The following DACH2 variants were observed in gnomAD, a reference collection of about 807,000 sequenced individuals.
The protein encoded by DACH2 is dachshund homolog 2.
DACH2 carries 17 observed loss-of-function variants against 35.8 expected under a neutral mutation model. The observed-to-expected ratio is 0.48, with a 90% CI of 0.33 to 0.71. DACH2 has a LOEUF of 0.71. Among genes scored for constraint, DACH2 ranks in the 30% least tolerant of loss-of-function variants. The pLI is 0.02. For missense variants in DACH2, 469 were observed against 472.7 expected (o/e 0.99, Z 0.07); for synonymous variants, 195 against 177.3 (o/e 1.10, Z -0.79).
chrX:86,726,980 T>A (rs761003473), intron 6 of DACH2, among the ~76,000 whole-genome samples: 2 of 112,370 alleles, frequency 1.8e-5, no homozygotes, highest in Non-Finnish European at 3.8e-5. Context: ...CTACTCACTG[T>A]TCTTTAAATT....
At chrX:86,740,382 T>C (rs1488433775) in intron 7 of DACH2, among the ~76,000 whole-genome samples, 1 of 109,144 alleles carries the variant, frequency 9.2e-6, no homozygotes, top group Non-Finnish European at 1.9e-5. Context: ...CTTTAAGTTT[T>C]AGGGTACATG....
intron 3 of DACH2, among the ~76,000 whole-genome samples, chrX:86,626,609 A>C (rs1375446678): frequency 8.8e-6 from 1 of 113,059 alleles, no homozygotes; most frequent in African/African-American, 3.2e-5. Flanking sequence ...TTCTGTCTAG[A>C]CATCCAGGAG....
chrX:86,655,682 C>CAA (rs201615495), intron 4 of DACH2, among the ~76,000 whole-genome samples: 2 of 108,996 alleles, frequency 1.8e-5, no homozygotes, highest in East Asian at 2.9e-4. Flanking sequence ...GGAGAGAAGA[C>CAA]AAAAAAAATC....
At chrX:86,482,723 G>C (rs1475856320) in intron 2 of DACH2, among the ~76,000 whole-genome samples, 1 of 108,599 alleles carries the variant, frequency 9.2e-6, no homozygotes. Context: ...TTTAATGATT[G>C]CCATTCTAAC....
At chrX:86,257,859 T>G (rs887050455) in intron 1 of DACH2, among the ~76,000 whole-genome samples, 3 of 112,526 alleles carry the variant, frequency 2.7e-5, no homozygotes, top group African/African-American at 9.7e-5. Context: ...GCTAAGATGC[T>G]TTCTCTTTCT....
At chrX:86,791,373 A>T (rs927004296) in intron 7 of DACH2, among the ~76,000 whole-genome samples, 1 of 111,837 alleles carries the variant, frequency 8.9e-6, no homozygotes, top group African/African-American at 3.2e-5. Flanking sequence ...ACTTACAGAA[A>T]CCCATTCATT....
At chrX:86,186,342 A>G (rs2031681863) in intron 1 of DACH2, among the ~76,000 whole-genome samples, 1 of 112,561 alleles carries the variant, frequency 8.9e-6, no homozygotes, top group Non-Finnish European at 1.9e-5. Flanking sequence ...CTTTCATCAG[A>G]CTCTGACTAT....
At chrX:86,488,644 G>T (rs2038051116) in intron 2 of DACH2, among the ~76,000 whole-genome samples, 1 of 111,350 alleles carries the variant, frequency 9.0e-6, no homozygotes, top group Non-Finnish European at 1.9e-5. Context: ...AATATTTGAA[G>T]TAATGGATTA....
At chrX:86,159,629 A>G (rs2030675553) in intron 1 of DACH2, among the ~76,000 whole-genome samples, 1 of 112,083 alleles carries the variant, frequency 8.9e-6, no homozygotes, top group Admixed American at 9.5e-5. Context: ...TTCAACAAAT[A>G]TTTAGTAAGC....
At chrX:86,541,416 T>C (rs1265761626) in intron 3 of DACH2, among the ~76,000 whole-genome samples, 1 of 111,218 alleles carries the variant, frequency 9.0e-6, no homozygotes, top group East Asian at 2.8e-4. Flanking sequence ...TAATAGACAC[T>C]GAATATGCTT....
chrX:86,255,524 A>G (rs901920769), intron 1 of DACH2, among the ~76,000 whole-genome samples: 1 of 111,641 alleles, frequency 9.0e-6, no homozygotes, highest in African/African-American at 3.3e-5. Flanking sequence ...TTGCTCTTAC[A>G]TATAACTAAC....
intron 3 of DACH2, among the ~76,000 whole-genome samples, chrX:86,555,995 A>C (rs754254921): frequency 8.3e-4 from 93 of 111,926 alleles, no homozygotes; most frequent in African/African-American, 2.9e-3. Flanking sequence ...ACCAATACAG[A>C]AACTATGATT....
At chrX:86,667,552 G>GAAGAAAGAAAT (rs2040705829) in intron 4 of DACH2, among the ~76,000 whole-genome samples, 1 of 45,529 alleles carries the variant, frequency 2.2e-5, no homozygotes, top group Non-Finnish European at 3.9e-5. Flanking sequence ...AAAGAAGAAA[G>GAAGAAAGAAAT]AAAGAAAGAA....
intron 2 of DACH2, among the ~76,000 whole-genome samples, chrX:86,447,151 T>C (rs1213073669): frequency 9.9e-6 from 1 of 100,575 alleles, no homozygotes; most frequent in Admixed American, 1.1e-4. Context: ...TTTTTGTTTT[T>C]TTCTTGTAAA....
chrX:86,814,619 T>TATA, intron 9 of DACH2, 69 bp from the exon 10 acceptor site: 1 of 1,033,198 alleles, frequency 9.7e-7, no homozygotes, highest in Non-Finnish European at 1.3e-6. Context: ...ATCTGTGGCT[T>TATA]ATAATTCATC....
chrX:86,784,548 G>A (rs1274430216), intron 7 of DACH2, among the ~76,000 whole-genome samples: 1 of 112,011 alleles, frequency 8.9e-6, no homozygotes, highest in African/African-American at 3.2e-5. Flanking sequence ...AACTAGTTCA[G>A]CCACTGTGGA....
intron 2 of DACH2, among the ~76,000 whole-genome samples, chrX:86,440,032 C>T (rs986327178): frequency 9.9e-5 from 11 of 111,052 alleles, no homozygotes; most frequent in African/African-American, 3.6e-4. Context: ...TTTTCTATGG[C>T]CCAAAATGTG....
intron 1 of DACH2, among the ~76,000 whole-genome samples, chrX:86,185,919 T>C (rs1252096676): frequency 8.9e-6 from 1 of 112,431 alleles, no homozygotes; most frequent in African/African-American, 3.2e-5. Flanking sequence ...TAATAATTTC[T>C]ATTGAGCATC....
At chrX:86,563,570 G>T (rs1602650169) in intron 3 of DACH2, among the ~76,000 whole-genome samples, 1 of 110,846 alleles carries the variant, frequency 9.0e-6, no homozygotes, top group South Asian at 3.7e-4. Context: ...ATGATACAAT[G>T]CTTATTATTG....
Sources: gnomAD v4.1 joint callset for allele counts (sites outside exome capture counted in the v4.1 genomes callset) on GRCh38, gnomAD v4.1.1 for gene constraint, MANE v1.5 for transcripts, NCBI Gene and HGNC (gene_info 2026-07-23, HGNC 2026-07-21) for gene names.